Variants in PDE1C observed in about 807,000 individuals in gnomAD.
PDE1C encodes dual specificity calcium/calmodulin-dependent 3',5'-cyclic nucleotide phosphodiesterase 1C.
In PDE1C, 62 loss-of-function variants were observed where a neutral mutation model predicts 93.1. The observed-to-expected ratio is 0.67, with a 90% CI of 0.54 to 0.82. The LOEUF (loss-of-function observed/expected upper bound fraction) is 0.82. PDE1C is among the 40% of genes least tolerant of loss of function. The pLI is 0.00. For missense variants in PDE1C, 742 were observed against 884.6 expected (o/e 0.84, Z 2.04); for synonymous variants, 325 against 310.1 (o/e 1.05, Z -0.50).
intron 1 of PDE1C, among the ~76,000 whole-genome samples, chr7:32,356,332 A>T (rs1784029166): frequency 6.6e-6 from 1 of 152,226 alleles, no homozygotes; most frequent in African/African-American, 2.4e-5. Flanking sequence ...AGCAAAGAGA[A>T]AAAAGGTTGG....
chr7:31,984,572 T>C (rs1783119826), intron 2 of PDE1C, among the ~76,000 whole-genome samples: 1 of 152,162 alleles, frequency 6.6e-6, no homozygotes, highest in African/African-American at 2.4e-5. Context: ...TGGTCCCCTT[T>C]TTATGTTTTT....
intron 17 of PDE1C, among the ~76,000 whole-genome samples, chr7:31,772,135 C>G (rs889084399): frequency 1.3e-5 from 2 of 152,076 alleles, no homozygotes; most frequent in African/African-American, 2.4e-5. Flanking sequence ...CACCTCCTCC[C>G]TTAAACTTCC....
At chr7:32,044,424 C>T (rs1792243690) in intron 2 of PDE1C, among the ~76,000 whole-genome samples, 2 of 152,064 alleles carry the variant, frequency 1.3e-5, no homozygotes, top group South Asian at 4.1e-4. Flanking sequence ...GCCTTAAAAT[C>T]CAAGACAAGA....
rs530262683 is a variant in PDE1C, at chr7:32,161,622, G to A, written c.308+8163C>T. ...GAACTTCCTTTGTTTAGAGTTTAGAGAGAACTTCAGGGATTCCCTGCATAT... is the reference window on the plus strand; with the variant it reads ...GAACTTCCTTTGTTTAGAGTTTAGAAAGAACTTCAGGGATTCCCTGCATAT... On this transcript the variant is annotated intron_variant, in intron 3 of 18. Transcript: ENST00000396193. 4.7e-3 allele frequency among the ~76,000 whole-genome samples: 697 copies of A among 147,414 alleles called. 8 individuals are homozygous for A. The highest frequency in any genetic ancestry group is 0.016 in the African/African-American group (648 of 39,888).
intron 1 of PDE1C, among the ~76,000 whole-genome samples, chr7:32,340,134 T>C (rs1783720525): frequency 6.6e-6 from 1 of 151,954 alleles, no homozygotes; most frequent in South Asian, 2.1e-4. Flanking sequence ...GTGGGAGCAT[T>C]AAATATGTGA....
chr7:32,324,025 C>T (rs919549494), intron 1 of PDE1C, among the ~76,000 whole-genome samples: 9 of 152,210 alleles, frequency 5.9e-5, no homozygotes, highest in African/African-American at 2.2e-4. Context: ...ATCTGGGCTG[C>T]CACCTGCTTT....
chr7:32,297,957 C>CTCAA (rs1398470859), intron 1 of PDE1C, among the ~76,000 whole-genome samples: 1 of 25,550 alleles, frequency 3.9e-5, no homozygotes, highest in Non-Finnish European at 7.5e-5. Flanking sequence ...ATTGTTCAAT[C>CTCAA]TCTCTCTCTC....
intron 16 of PDE1C, chr7:31,784,944 A>G (rs1164824917): frequency 1.3e-5 from 2 of 152,128 alleles, no homozygotes; most frequent in East Asian, 3.8e-4. Context: ...ACATATACCC[A>G]CTCAAAGACA....
chr7:31,904,355 C>T (rs1055793224), intron 2 of PDE1C, among the ~76,000 whole-genome samples: 1 of 150,636 alleles, frequency 6.6e-6, no homozygotes, highest in African/African-American at 2.4e-5. Flanking sequence ...GCAAATCACC[C>T]AAAATAAAAA....
intron 1 of PDE1C, among the ~76,000 whole-genome samples, chr7:32,275,513 A>G (rs1398361477): frequency 6.6e-6 from 1 of 152,150 alleles, no homozygotes; most frequent in African/African-American, 2.4e-5. Flanking sequence ...GCCAGTGAAC[A>G]TAAAAGCACA....
chr7:32,074,943 C>T (rs941419492), upstream of PDE1C, among the ~76,000 whole-genome samples: 3 of 152,192 alleles, frequency 2.0e-5, no homozygotes, highest in African/African-American at 7.2e-5. Flanking sequence ...AGCTTGGGCT[C>T]TCTCCTATAG....
intron 3 of PDE1C, among the ~76,000 whole-genome samples, chr7:32,134,252 T>C (rs764733769): frequency 6.6e-6 from 1 of 152,068 alleles, no homozygotes; most frequent in African/African-American, 2.4e-5. Context: ...TGCCCCAAAC[T>C]TCCCAAATTT....
At chr7:32,261,151 A>G (rs187651296) in intron 1 of PDE1C, among the ~76,000 whole-genome samples, 285 of 152,206 alleles carry the variant, frequency 1.9e-3, no homozygotes, top group African/African-American at 6.4e-3. Flanking sequence ...GGGGTCATGC[A>G]GCCTCTGGCT....
At chr7:32,396,526 G>T (rs547603016) in intron 1 of PDE1C, among the ~76,000 whole-genome samples, 3 of 151,130 alleles carry the variant, frequency 2.0e-5, no homozygotes, top group East Asian at 2.0e-4. Flanking sequence ...GAAGTATGGG[G>T]GGGGGGAGTG....
At chr7:32,373,966 C>T (rs1179334017) in intron 1 of PDE1C, among the ~76,000 whole-genome samples, 6 of 151,394 alleles carry the variant, frequency 4.0e-5, no homozygotes, top group African/African-American at 1.5e-4. Flanking sequence ...CACTGCACTC[C>T]AGCCTAGGCA....
At chr7:31,973,698 C>T (rs1315239655) in intron 2 of PDE1C, among the ~76,000 whole-genome samples, 1 of 152,078 alleles carries the variant, frequency 6.6e-6, no homozygotes, top group African/African-American at 2.4e-5. Context: ...CAAACTGAGA[C>T]CCAGAAAGGC....
At chr7:32,036,395 G>C (rs1024599295) in intron 2 of PDE1C, among the ~76,000 whole-genome samples, 2 of 152,094 alleles carry the variant, frequency 1.3e-5, no homozygotes, top group Admixed American at 6.6e-5. Flanking sequence ...TAAAATCAAT[G>C]CCCTACGTTT....
intron 1 of PDE1C, among the ~76,000 whole-genome samples, chr7:32,353,593 C>T (rs117207119): frequency 0.014 from 1,878 of 139,016 alleles, 33 homozygotes; most frequent in Middle Eastern, 0.043. Context: ...ATTCTGGATC[C>T]AACTATGGTG....
chr7:32,265,820 A>G (rs1036517292), intron 1 of PDE1C, among the ~76,000 whole-genome samples: 1 of 152,208 alleles, frequency 6.6e-6, no homozygotes, highest in South Asian at 2.1e-4. Flanking sequence ...GAAGGAAGAC[A>G]TCACTTCCAA....
Sources: gnomAD v4.1 joint callset for allele counts (sites outside exome capture counted in the v4.1 genomes callset) on GRCh38, gnomAD v4.1.1 for gene constraint, MANE v1.5 for transcripts, NCBI Gene and HGNC (gene_info 2026-07-23, HGNC 2026-07-21) for gene names.